The following THSD4 variants were observed in gnomAD, a reference collection of about 807,000 sequenced individuals.
The protein encoded by THSD4 is thrombospondin type-1 domain-containing protein 4.
In THSD4, 69 loss-of-function variants were observed where a neutral mutation model predicts 119.0. The observed-to-expected ratio is 0.58, with a 90% CI of 0.48 to 0.71. THSD4 has a LOEUF of 0.71. Among genes scored for constraint, THSD4 ranks in the 30% least tolerant of loss-of-function variants. THSD4 has a pLI of 0.00. For missense variants in THSD4, 1,393 were observed against 1,391.1 expected (o/e 1.00, Z -0.02); for synonymous variants, 524 against 540.4 (o/e 0.97, Z 0.42).
chr15:71,169,796 T>G, intron 3 of THSD4, among the ~76,000 whole-genome samples: 1 of 152,170 alleles, frequency 6.6e-6, no homozygotes, highest in East Asian at 1.9e-4. Context: ...CTTACTGCCT[T>G]GAGAGTTTCC....
intron 7 of THSD4, among the ~76,000 whole-genome samples, chr15:71,603,994 TGAA>T (rs755382844): frequency 6.6e-6 from 1 of 152,184 alleles, no homozygotes; most frequent in Non-Finnish European, 1.5e-5. Context: ...TGGCCACAGA[TGAA>T]GGAGAGAAAA....
chr15:71,664,348 G>T (rs2051373682), intron 8 of THSD4, among the ~76,000 whole-genome samples: 2 of 151,492 alleles, frequency 1.3e-5, no homozygotes, highest in Non-Finnish European at 1.5e-5. Context: ...ATTACCTTTA[G>T]TTATTTGTCA....
chr15:71,362,560 G>C (rs1474061385), intron 6 of THSD4, among the ~76,000 whole-genome samples: 2 of 152,178 alleles, frequency 1.3e-5, no homozygotes, highest in African/African-American at 4.8e-5. Flanking sequence ...AATAAAATTG[G>C]AAGCAAATAT....
chr15:71,538,587 G>A (rs12441735), intron 7 of THSD4, among the ~76,000 whole-genome samples: 12,289 of 152,270 alleles, frequency 0.081, 1,142 homozygotes, highest in East Asian at 0.44. Flanking sequence ...ATTATTGCTT[G>A]AAGCAGTGGT....
chr15:71,565,807 C>T (rs1316560088), intron 7 of THSD4, among the ~76,000 whole-genome samples: 3 of 152,156 alleles, frequency 2.0e-5, no homozygotes, highest in Non-Finnish European at 4.4e-5. Context: ...AAGGGGGAAG[C>T]ATCGTCTAAT....
chr15:71,587,794 A>AAG (rs1351329955), intron 7 of THSD4, among the ~76,000 whole-genome samples: 1 of 81,776 alleles, frequency 1.2e-5, no homozygotes, highest in Non-Finnish European at 2.5e-5. Context: ...AATTAAAAAA[A>AAG]AAAAAGAAAA....
At chr15:71,441,107 G>A (rs568860301) in intron 7 of THSD4, among the ~76,000 whole-genome samples, 2 of 152,248 alleles carry the variant, frequency 1.3e-5, no homozygotes, top group South Asian at 2.1e-4. Flanking sequence ...ATAAAATTCT[G>A]GGGGAATTAA....
At chr15:71,375,552 C>T (rs558607608) in intron 6 of THSD4, among the ~76,000 whole-genome samples, 1 of 152,226 alleles carries the variant, frequency 6.6e-6, no homozygotes, top group South Asian at 2.1e-4. Context: ...ACTCCTGGCA[C>T]AATACATGTT....
chr15:71,603,267 GA>G (rs1049559594), intron 7 of THSD4, among the ~76,000 whole-genome samples: 5 of 151,874 alleles, frequency 3.3e-5, no homozygotes, highest in East Asian at 1.9e-4. Context: ...TGGGCAAAAA[GA>G]AAAAAAACTC....
intron 8 of THSD4, among the ~76,000 whole-genome samples, chr15:71,663,264 AAAAG>A (rs1215656393): frequency 2.0e-5 from 3 of 152,000 alleles, no homozygotes; most frequent in East Asian, 1.9e-4. Context: ...AAAAAAAAGA[AAAAG>A]AAAAAAGTCA....
intron 6 of THSD4, among the ~76,000 whole-genome samples, chr15:71,345,376 G>A (rs757657621): frequency 2.6e-4 from 39 of 152,170 alleles, no homozygotes; most frequent in Admixed American, 3.3e-4. Context: ...AAGGCACCCC[G>A]GGCTGCCTGT....
intron 7 of THSD4, among the ~76,000 whole-genome samples, chr15:71,499,206 C>T (rs2048073438): frequency 6.6e-6 from 1 of 152,052 alleles, no homozygotes; most frequent in African/African-American, 2.4e-5. Context: ...AGTTGCTGTC[C>T]TTTCATTGCA....
intron 6 of THSD4, among the ~76,000 whole-genome samples, chr15:71,295,242 C>T (rs369573124): frequency 6.6e-6 from 1 of 152,056 alleles, no homozygotes; most frequent in East Asian, 1.9e-4. Context: ...GATGGATGAA[C>T]CAGATGAGTC....
At chr15:71,204,228 T>C (rs2043825822) in intron 3 of THSD4, among the ~76,000 whole-genome samples, 2 of 152,196 alleles carry the variant, frequency 1.3e-5, no homozygotes, top group Admixed American at 1.3e-4. Context: ...TCCATGTGGC[T>C]GGTGATGAAA....
intron 7 of THSD4, among the ~76,000 whole-genome samples, chr15:71,527,708 C>CTT (rs10635101): frequency 0.14 from 10,735 of 79,054 alleles, 1,340 homozygotes; most frequent in South Asian, 0.21. Flanking sequence ...TGTTTATCCT[C>CTT]TTTTTTTTTT....
At chr15:71,566,646 A>T (rs181550108) in intron 7 of THSD4, among the ~76,000 whole-genome samples, 56 of 151,966 alleles carry the variant, frequency 3.7e-4, no homozygotes, top group Non-Finnish European at 1.5e-4. Flanking sequence ...ACCCTGCAAG[A>T]TTGTGTTGGA....
intron 8 of THSD4, among the ~76,000 whole-genome samples, chr15:71,689,481 TGTATAAA>T (rs2051998271): frequency 6.6e-6 from 1 of 152,216 alleles, no homozygotes; most frequent in South Asian, 2.1e-4. Flanking sequence ...GAGATCATGT[TGTATAAA>T]GCTGCCTCCA....
In THSD4 at chr15:71,758,062, G is replaced by T; in HGVS notation, c.2576G>T (p.Gly859Val). 6.3e-7 allele frequency: 1 copy of T among 1,583,954 alleles called. No homozygotes were observed. Among genetic ancestry groups the T allele is most frequent in the South Asian group, 1.1e-5 (1 of 87,576 alleles). Residue 859 changes from glycine to valine, a missense_variant, in exon 15 of 18, where the codon GGG becomes GTG. By Grantham distance (109) the Gly-to-Val change is moderately radical. Coordinates refer to ENST00000261862, the MANE Select transcript of THSD4 (RefSeq NM_024817.3). ...PCTGKVEWFA[G>V]SWSQCSIECG... ...ACGGGCAAGGTGGAGTGGTTTGCCGGGAGCTGGAGTCAGGTGAGTGGCCAG... is the reference window on the plus strand; with the variant it reads ...ACGGGCAAGGTGGAGTGGTTTGCCGTGAGCTGGAGTCAGGTGAGTGGCCAG...
At chr15:71,216,233 A>G (rs1025193570) in intron 4 of THSD4, among the ~76,000 whole-genome samples, 2 of 152,244 alleles carry the variant, frequency 1.3e-5, no homozygotes, top group African/African-American at 4.8e-5. Flanking sequence ...AAAGTGTAAG[A>G]TGTGCTCTCT....
Sources: gnomAD v4.1 joint callset for allele counts (sites outside exome capture counted in the v4.1 genomes callset) on GRCh38, gnomAD v4.1.1 for gene constraint, MANE v1.5 for transcripts, NCBI Gene and HGNC (gene_info 2026-07-23, HGNC 2026-07-21) for gene names.